PLCE1: variants seen among roughly 807,000 people sequenced by gnomAD.
PLCE1 encodes the protein phospholipase C epsilon 1.
In PLCE1, 119 loss-of-function variants were observed where a neutral mutation model predicts 242.8. The ratio of observed to expected loss-of-function variants is 0.49; its 90% CI spans 0.42 to 0.57. The LOEUF (loss-of-function observed/expected upper bound fraction) is 0.57. Ranked by LOEUF, PLCE1 falls within the 20% of genes least tolerant of loss-of-function variation. The probability of loss-of-function intolerance (pLI) is 0.00; values close to 1 mark genes in which losing one functional copy is unlikely to be tolerated. For synonymous variants in PLCE1, 945 were observed against 1,017.4 expected, an observed-to-expected ratio of 0.93 and a Z score of 1.35; for missense variants, 2,441 against 2,788.8, an observed-to-expected ratio of 0.88 and a Z score of 2.81.
chr10:94,158,854 CTTTTTTTT>C (rs35760715), intron 3 of PLCE1, among the ~76,000 whole-genome samples: 4 of 111,578 alleles, frequency 3.6e-5, no homozygotes, highest in African/African-American at 6.2e-5. Flanking sequence ...TCTTCTTTTT[CTTTTTTTT>C]TTTTTTTTTT....
chr10:94,013,865 C>G (rs1012312965), intron 1 of PLCE1, among the ~76,000 whole-genome samples: 2 of 152,078 alleles, frequency 1.3e-5, no homozygotes, highest in Non-Finnish European at 2.9e-5. Flanking sequence ...TAGATGATCC[C>G]TGGGGGGGCT....
intron 11 of PLCE1, among the ~76,000 whole-genome samples, chr10:94,258,246 T>C (rs898500407): frequency 6.6e-6 from 1 of 152,218 alleles, no homozygotes; most frequent in Non-Finnish European, 1.5e-5. Context: ...ATTATAAGCA[T>C]GAGCCACCGC....
chr10:94,296,274 G>A (rs904819901), intron 23 of PLCE1, among the ~76,000 whole-genome samples: 1 of 151,224 alleles, frequency 6.6e-6, no homozygotes, highest in Admixed American at 6.6e-5. Context: ...GCTGAGGCAG[G>A]AGAATGGCGT....
chr10:94,062,582 G>GT (rs5787099), intron 2 of PLCE1, among the ~76,000 whole-genome samples: 84,698 of 142,120 alleles, frequency 0.6, 27,884 homozygotes, highest in Non-Finnish European at 0.73. Context: ...TCTTGGTTTT[G>GT]TTTTTTTTTT....
chr10:94,231,697 T>G (rs1301651605), intron 5 of PLCE1, among the ~76,000 whole-genome samples: 7 of 146,736 alleles, frequency 4.8e-5, no homozygotes, highest in South Asian at 2.2e-4. Context: ...GGTGTGGGGG[T>G]GGGGGCAGAT....
chr10:94,078,553 T>C (rs1032322506), intron 2 of PLCE1, among the ~76,000 whole-genome samples: 4 of 151,964 alleles, frequency 2.6e-5, no homozygotes, highest in Non-Finnish European at 5.9e-5. Flanking sequence ...AGTGGTGCGA[T>C]CTCAACTCAC....
chr10:94,327,093 C>T (rs944694064), intron 32 of PLCE1, among the ~76,000 whole-genome samples: 3 of 152,042 alleles, frequency 2.0e-5, no homozygotes, highest in Non-Finnish European at 2.9e-5. Context: ...ACCCGGGAGA[C>T]GGAGGTTGCA....
chr10:94,321,865 C>G, intron 29 of PLCE1, 36 bp from the exon 30 acceptor site: 1 of 1,508,762 alleles, frequency 6.6e-7, no homozygotes, highest in African/African-American at 1.4e-5. Flanking sequence ...CTGCATAAAC[C>G]TATTATTTAC....
intron 22 of PLCE1, among the ~76,000 whole-genome samples, chr10:94,285,389 A>G (rs2052402936): frequency 6.6e-6 from 1 of 152,194 alleles, no homozygotes; most frequent in African/African-American, 2.4e-5. Context: ...GTTTCAGAGT[A>G]TATCAGTCAA....
chr10:94,265,645 A>G lies in PLCE1; in HGVS notation c.4054-2A>G. 1 of 1,613,118 alleles carries G rather than the reference A, an allele frequency of 6.2e-7. No homozygotes were observed. The highest frequency in any genetic ancestry group is 8.5e-7 in the Non-Finnish European group (1 of 1,179,276). Reference sequence around the variant, plus strand: ...AACACTTTTTTTTTTAATCCCTTGCAGAAGTTCGAGCCTAGCATCAGTATG... The same window carrying G: ...AACACTTTTTTTTTTAATCCCTTGCGGAAGTTCGAGCCTAGCATCAGTATG... On this transcript the variant is annotated splice_acceptor_variant, in intron 14 of 32. Coordinates refer to ENST00000371380, the MANE Select transcript of PLCE1 (RefSeq NM_016341.4). LOFTEE classifies it high-confidence loss of function.
intron 4 of PLCE1, among the ~76,000 whole-genome samples, chr10:94,184,994 AGGTACTG>A (rs1246254561): frequency 6.6e-6 from 1 of 152,238 alleles, no homozygotes; most frequent in Non-Finnish European, 1.5e-5. Flanking sequence ...TTATCCTATT[AGGTACTG>A]TTAGAAATAC....
At position 94,024,039 on chromosome 10, in the gene PLCE1, G is replaced by A. The variant is rs189955470; in HGVS notation, c.-364-6644G>A. On this transcript the variant is annotated intron_variant, in intron 1 of 32. Coordinates refer to ENST00000371380, the MANE Select transcript of PLCE1 (RefSeq NM_016341.4). The stretch of plus-strand genomic sequence containing the variant: ...GGAAGGAGTGGAGCAGCAGATATTC[G>A]GGAGAAGAAAAAGTAAAGACTGACT... Among the ~76,000 whole-genome samples, 52 of 152,194 alleles carry A rather than the reference G, an allele frequency of 3.4e-4. No homozygotes were observed. The East Asian group carries it at 9.3e-3, about 27-fold the overall frequency.
intron 1 of PLCE1, among the ~76,000 whole-genome samples, chr10:94,000,460 T>C (rs1006216683): frequency 1.3e-5 from 2 of 152,226 alleles, no homozygotes; most frequent in Admixed American, 1.3e-4. Context: ...AAATAACTCA[T>C]GTCGGAGGCT....
At chr10:94,020,611 C>T (rs555263829) in intron 1 of PLCE1, among the ~76,000 whole-genome samples, 7 of 151,816 alleles carry the variant, frequency 4.6e-5, no homozygotes, top group East Asian at 1.9e-4. Context: ...TTTTATGTGT[C>T]GGACTATTAT....
chr10:94,060,695 CTTTT>C (rs754927815), intron 2 of PLCE1, among the ~76,000 whole-genome samples: 2 of 139,770 alleles, frequency 1.4e-5, no homozygotes, highest in Non-Finnish European at 1.6e-5. Context: ...CATTATTTAA[CTTTT>C]TTTTTTTTTT....
At chr10:94,030,609 C>T (rs2061539497) in intron 1 of PLCE1, among the ~76,000 whole-genome samples, 74 bp from the exon 2 acceptor site, 1 of 151,914 alleles carries the variant, frequency 6.6e-6, no homozygotes, top group Non-Finnish European at 1.5e-5. Context: ...TTGTCTGTAT[C>T]TTAGGATTGT....
At chr10:94,243,847 A>C (rs1275315289) in intron 7 of PLCE1, among the ~76,000 whole-genome samples, 1 of 152,198 alleles carries the variant, frequency 6.6e-6, no homozygotes, top group African/African-American at 2.4e-5. Flanking sequence ...TGAAATTGAC[A>C]TTTACAGAAA....
Position 94,254,191 on chromosome 10 carries a change from G to T in PLCE1, c.3281G>T (p.Gly1094Val), listed in dbSNP as rs61732523. ...TKKKKKILMR[G>V]ESGEVTDDEM... ...CCATCGTGAGCTTTGTGTTCCCAGG[G>T]TGAGAGTGGAGAGGTAACTGACGAT... Residue 1094 changes from glycine (G) to valine (V), a missense_variant and splice_region_variant, in exon 10 of 33, where the codon GGT (glycine) becomes GTT (valine). Around this residue, in one of 5 missense-constraint regions of PLCE1, gnomAD observed 1,004 missense variants for 1,322.7 expected, o/e 0.76. Transcript: ENST00000371380. The T allele has an allele frequency of 1.8e-4, 290 of 1,608,406 alleles. 2 individuals carry two copies. In the African/African-American group the frequency reaches 2.3e-3, roughly 13 times the overall value.
chr10:94,266,097 T>C (rs977084893), intron 16 of PLCE1, 139 bp downstream of exon 16: 56 of 792,704 alleles, frequency 7.1e-5, no homozygotes, highest in Non-Finnish European at 1.2e-4. Flanking sequence ...TGAGGAACCA[T>C]GATGTGTGGG....
Sources: gnomAD v4.1 joint callset for allele counts (sites outside exome capture counted in the v4.1 genomes callset) on GRCh38, gnomAD v4.1.1 for gene constraint, gnomAD v4.1.1 regional missense constraint, MANE v1.5 for transcripts, NCBI Gene and HGNC (gene_info 2026-07-23, HGNC 2026-07-21) for gene names.